The following CACNB2 variants were observed in gnomAD, a reference collection of about 807,000 sequenced individuals.
CACNB2 encodes the protein calcium voltage-gated channel auxiliary subunit beta 2, also known as voltage-dependent L-type calcium channel subunit beta-2.
CACNB2 carries 42 observed loss-of-function variants against 73.3 expected under a neutral mutation model. The observed-to-expected ratio is 0.57, with a 90% CI of 0.45 to 0.74. CACNB2 has a LOEUF of 0.74. CACNB2 is among the 30% of genes least tolerant of loss of function. The pLI is 0.00. For synonymous variants in CACNB2, 348 were observed against 310.3 expected (o/e 1.12, Z -1.28); for missense variants, 940 against 853.0 (o/e 1.10, Z -1.27).
chr10:18,223,495 C>T (rs920319231), intron 2 of CACNB2, among the ~76,000 whole-genome samples: 10 of 152,076 alleles, frequency 6.6e-5, no homozygotes, highest in African/African-American at 1.2e-4. Context: ...GTATTTTACA[C>T]GATTTTCAGG....
Position 18,237,378 on chromosome 10 carries a change from C to A in CACNB2, c.213+86403C>A, listed in dbSNP as rs190824358. 2.0e-4 allele frequency among the ~76,000 whole-genome samples: 30 copies of A among 152,254 alleles called. No homozygotes were observed. The Middle Eastern group carries it at 0.017, about 86-fold the overall frequency. On this transcript the variant is annotated intron_variant, in intron 2 of 13. Coordinates refer to ENST00000324631, the MANE Select transcript of CACNB2 (RefSeq NM_201596.3). ...AGAAGAGAAAACCAAGACACAGATACACAGAGAGAAAAGATGGTCATCCAA... is the reference window on the plus strand; with the variant it reads ...AGAAGAGAAAACCAAGACACAGATAAACAGAGAGAAAAGATGGTCATCCAA...
chr10:18,417,194 C>G (rs1276695162), intron 3 of CACNB2, among the ~76,000 whole-genome samples: 1 of 35,528 alleles, frequency 2.8e-5, no homozygotes, highest in Non-Finnish European at 5.1e-5. Flanking sequence ...TAAACATCTT[C>G]GTGCAATTTT....
At chr10:18,198,237 T>A (rs1226307096) in intron 2 of CACNB2, among the ~76,000 whole-genome samples, 3 of 150,176 alleles carry the variant, frequency 2.0e-5, no homozygotes, top group African/African-American at 7.3e-5. Flanking sequence ...AATGAATTAA[T>A]ATTTGAGTTA....
chr10:18,278,882 G>A (rs1219573351), intron 2 of CACNB2, among the ~76,000 whole-genome samples: 1 of 152,008 alleles, frequency 6.6e-6, no homozygotes, highest in East Asian at 1.9e-4. Flanking sequence ...TAGGCCTGGT[G>A]GCATGTGCCT....
At chr10:18,467,736 T>C (rs140984263) in intron 3 of CACNB2, among the ~76,000 whole-genome samples, 48 of 152,312 alleles carry the variant, frequency 3.2e-4, no homozygotes, top group African/African-American at 1.1e-3. Flanking sequence ...CTTGGGAACT[T>C]TGCTGCCAAC....
intron 3 of CACNB2, among the ~76,000 whole-genome samples, chr10:18,442,926 G>GTA (rs1316286386): frequency 3.0e-4 from 15 of 49,454 alleles, no homozygotes; most frequent in South Asian, 1.4e-3. Context: ...ATATATATAT[G>GTA]TATATATATA....
intron 2 of CACNB2, among the ~76,000 whole-genome samples, chr10:18,276,705 A>G (rs9633626): frequency 0.27 from 41,572 of 152,050 alleles, 6,178 homozygotes; most frequent in East Asian, 0.6. Context: ...CAGCCTCCCA[A>G]GTAGCTGGGA....
chr10:18,352,356 C>T (rs2041745423), intron 2 of CACNB2, among the ~76,000 whole-genome samples: 1 of 152,150 alleles, frequency 6.6e-6, no homozygotes, highest in African/African-American at 2.4e-5. Flanking sequence ...TCATACAGGG[C>T]TATGAAGATA....
intron 2 of CACNB2, among the ~76,000 whole-genome samples, chr10:18,204,823 T>A (rs77667854): frequency 0.011 from 1,610 of 152,324 alleles, 24 homozygotes; most frequent in African/African-American, 0.034. Context: ...TACATGTTAT[T>A]GCTTCTGATC....
chr10:18,285,780 TCTTA>T (rs1341737847), intron 2 of CACNB2, among the ~76,000 whole-genome samples: 2 of 152,246 alleles, frequency 1.3e-5, no homozygotes, highest in Admixed American at 6.5e-5. Flanking sequence ...TTTTTGCTTT[TCTTA>T]CTTTTGACAT....
intron 2 of CACNB2, among the ~76,000 whole-genome samples, chr10:18,315,559 T>G (rs2131916324): frequency 8.3e-6 from 1 of 120,700 alleles, no homozygotes; most frequent in African/African-American, 3.2e-5. Flanking sequence ...CCAGATGCAG[T>G]GGTGCCTGCC....
intron 2 of CACNB2, among the ~76,000 whole-genome samples, chr10:18,308,381 T>G (rs1260811057): frequency 2.6e-5 from 4 of 152,138 alleles, no homozygotes; most frequent in Non-Finnish European, 5.9e-5. Context: ...ATCACAGGGA[T>G]TAGATGTACA....
chr10:18,358,337 C>G (rs1004371546), intron 2 of CACNB2, among the ~76,000 whole-genome samples: 3 of 152,194 alleles, frequency 2.0e-5, no homozygotes, highest in African/African-American at 7.2e-5. Flanking sequence ...ATCCACCCAC[C>G]TCAGACTCCC....
At chr10:18,238,733 T>A (rs1299290603) in intron 2 of CACNB2, among the ~76,000 whole-genome samples, 3 of 152,234 alleles carry the variant, frequency 2.0e-5, no homozygotes, top group African/African-American at 7.2e-5. Flanking sequence ...TTCATTCAGA[T>A]AATAGTAATT....
intron 2 of CACNB2, among the ~76,000 whole-genome samples, chr10:18,199,976 T>TGTGTGTGTGC (rs1412008072): frequency 7.0e-6 from 1 of 143,200 alleles, no homozygotes; most frequent in Non-Finnish European, 1.5e-5. Flanking sequence ...TGTGTGTGTG[T>TGTGTGTGTGC]GTGTGTGTCT....
At chr10:18,494,589 G>C (rs1372445269) in intron 3 of CACNB2, among the ~76,000 whole-genome samples, 1 of 145,738 alleles carries the variant, frequency 6.9e-6, no homozygotes, top group Admixed American at 7.0e-5. Context: ...CCGAGATCGT[G>C]CCATTGCACT....
intron 10 of CACNB2, among the ~76,000 whole-genome samples, chr10:18,529,211 A>C (rs2052759030): frequency 6.6e-6 from 1 of 152,256 alleles, no homozygotes; most frequent in South Asian, 2.1e-4. Flanking sequence ...CAGTGGAATC[A>C]ATTACATAAC....
rs2034257821 is a variant in CACNB2 at position 18,188,572 on chromosome 10, T to C, written c.213+37597T>C. 1.3e-5 allele frequency among the ~76,000 whole-genome samples: 2 copies of C among 152,154 alleles called. 1 individual carries two copies. The highest frequency in any genetic ancestry group is 4.8e-5 in the African/African-American group (2 of 41,458). ...CTCCTGCCTTGGCCTCCCAAAGTGATGGGATTATAGGTATGAGCCCCTGTG... is the reference window on the plus strand; with the variant it reads ...CTCCTGCCTTGGCCTCCCAAAGTGACGGGATTATAGGTATGAGCCCCTGTG... On this transcript the variant is annotated intron_variant, in intron 2 of 13. Coordinates refer to ENST00000324631, the MANE Select transcript of CACNB2 (RefSeq NM_201596.3).
At position 18,506,201 on chromosome 10, in the gene CACNB2, A is replaced by G. The variant is rs1271215967; in HGVS notation, c.594-270A>G. 3.3e-5 allele frequency among the ~76,000 whole-genome samples: 5 copies of G among 152,214 alleles called. No homozygotes were observed. In the South Asian group the frequency reaches 1.0e-3, roughly 32 times the overall value. ...TATTTCACTGTCTGTGATCTGGGCA[A>G]GTAACTTGGGGGCTGCAGAAATTAC... On this transcript the variant is annotated intron_variant, in intron 5 of 13. Transcript: ENST00000324631.
Sources: allele counts gnomAD v4.1 joint callset (sites outside exome capture counted in the v4.1 genomes callset), GRCh38; gene constraint gnomAD v4.1.1; transcripts MANE v1.5; gene names NCBI Gene and HGNC (gene_info 2026-07-23, HGNC 2026-07-21).